CACNA1C: variants seen among roughly 807,000 people sequenced by gnomAD.
CACNA1C encodes calcium voltage-gated channel subunit alpha1 C.
In CACNA1C, 30 loss-of-function variants were observed where a neutral mutation model predicts 229.0. That is an observed-to-expected ratio of 0.13 (90% CI 0.10 to 0.18). The LOEUF (loss-of-function observed/expected upper bound fraction) is 0.18. CACNA1C is among the 10% of genes least tolerant of loss of function. The pLI is 1.00. For synonymous variants in CACNA1C, 1,114 were observed against 1,132.5 expected (o/e 0.98, Z 0.33); for missense variants, 1,658 against 2,845.0 (o/e 0.58, Z 9.49).
chr12:2,403,936 A>G lies in CACNA1C; in HGVS notation c.478-45040A>G, dbSNP rs2098707212. On this transcript the variant is annotated intron_variant, in intron 3 of 46. Coordinates refer to ENST00000399655, the MANE Select transcript of CACNA1C (RefSeq NM_000719.7). The surrounding 1 kb of genome is among the most constrained non-coding windows in gnomAD (Gnocchi z 4.1). ...AAGACTTAATGATTCTCACCCTTGAAAGTGTGTACAGAAATCCTCTAGTCA... is the reference window on the plus strand; with the variant it reads ...AAGACTTAATGATTCTCACCCTTGAGAGTGTGTACAGAAATCCTCTAGTCA... Among the ~76,000 whole-genome samples the G allele has an allele frequency of 6.6e-6, 1 of 152,128 alleles. No homozygotes were observed. Among genetic ancestry groups the G allele is most frequent in the South Asian group, 2.1e-4 (1 of 4,820 alleles).
intron 3 of CACNA1C, among the ~76,000 whole-genome samples, chr12:2,367,472 C>T (rs117806059): frequency 0.029 from 4,424 of 152,202 alleles, 102 homozygotes; most frequent in South Asian, 0.08. Context: ...GAACGTTTAA[C>T]TATGCTAAAA....
intron 5 of CACNA1C, among the ~76,000 whole-genome samples, chr12:2,468,533 C>G (rs1220781152): frequency 6.6e-6 from 1 of 152,184 alleles, no homozygotes; most frequent in African/African-American, 2.4e-5. Context: ...ATAACTCCCT[C>G]CAGGACTTGG....
Position 2,606,978 on chromosome 12 carries a change from T to C in CACNA1C, c.3210-6T>C. ...CCAGAGTAAACTCCTTCTCCTCCTC[T>C]CTCAGGGGCAACTACATCACGTACA... is the stretch of plus-strand genomic sequence containing the variant. On this transcript the variant is annotated splice_polypyrimidine_tract_variant and splice_region_variant and intron_variant, in intron 25 of 46. Coordinates refer to ENST00000399655, the MANE Select transcript of CACNA1C (RefSeq NM_000719.7). The C allele has an allele frequency of 6.2e-7, 1 of 1,613,390 alleles. No individual in the cohort carries two copies. The highest frequency in any genetic ancestry group is 1.3e-5 in the African/African-American group (1 of 75,010).
intron 10 of CACNA1C, among the ~76,000 whole-genome samples, chr12:2,555,946 C>T (rs988333476): frequency 6.6e-6 from 1 of 152,190 alleles, no homozygotes; most frequent in African/African-American, 2.4e-5. Context: ...CATGCCTCTC[C>T]TTGTTGCTCC....
intron 29 of CACNA1C, among the ~76,000 whole-genome samples, chr12:2,620,165 A>G (rs969133540): frequency 6.6e-6 from 1 of 152,174 alleles, no homozygotes; most frequent in Non-Finnish European, 1.5e-5. Context: ...ACATCTGAAG[A>G]AACTGGAGGT....
chr12:2,139,341 C>T (rs2093900856), intron 3 of CACNA1C, among the ~76,000 whole-genome samples: 1 of 151,182 alleles, frequency 6.6e-6, no homozygotes, highest in African/African-American at 2.4e-5. Flanking sequence ...GATTAGGGCT[C>T]CTTCACCTTA....
At chr12:2,399,297 T>C (rs1003487072) in intron 3 of CACNA1C, among the ~76,000 whole-genome samples, 2 of 152,182 alleles carry the variant, frequency 1.3e-5, no homozygotes, top group Admixed American at 1.3e-4. Context: ...ACCAGGTCAG[T>C]GGAGGATCAG....
At chr12:2,432,979 C>T (rs377578008) in intron 3 of CACNA1C, among the ~76,000 whole-genome samples, 8 of 152,178 alleles carry the variant, frequency 5.3e-5, no homozygotes, top group Admixed American at 6.5e-5. Context: ...TAGAGACTAA[C>T]CCTGTGCCAC....
At chr12:2,305,112 A>G (rs2094910425) in intron 3 of CACNA1C, among the ~76,000 whole-genome samples, 2 of 152,100 alleles carry the variant, frequency 1.3e-5, no homozygotes, top group Admixed American at 1.3e-4. Flanking sequence ...CTGAATATCC[A>G]TCTTCCCTGA....
intron 3 of CACNA1C, among the ~76,000 whole-genome samples, chr12:2,194,259 T>G (rs1404083204): frequency 1.6e-5 from 1 of 64,394 alleles, no homozygotes; most frequent in Non-Finnish European, 3.9e-5. Context: ...TGCCTCCTCC[T>G]CCTCCTCCTC....
At chr12:2,532,699 C>G (rs1465263404) in intron 9 of CACNA1C, among the ~76,000 whole-genome samples, 2 of 152,184 alleles carry the variant, frequency 1.3e-5, no homozygotes. Context: ...ATCCCCAAAT[C>G]AGAACCTCTG....
intron 3 of CACNA1C, among the ~76,000 whole-genome samples, chr12:2,445,677 C>T (rs1454071727): frequency 1.3e-5 from 2 of 152,126 alleles, no homozygotes; most frequent in East Asian, 1.9e-4. Flanking sequence ...GCCCTCACCA[C>T]ACCCCGCGAC....
chr12:2,230,400 C>T (rs1031227918), intron 3 of CACNA1C, among the ~76,000 whole-genome samples: 4 of 152,174 alleles, frequency 2.6e-5, no homozygotes, highest in Admixed American at 6.5e-5. Flanking sequence ...GAGGCGGGGC[C>T]GAGCCTGGAA....
At chr12:2,103,720 T>C (rs1279700104) in intron 1 of CACNA1C, among the ~76,000 whole-genome samples, 1 of 152,242 alleles carries the variant, frequency 6.6e-6, no homozygotes, top group Non-Finnish European at 1.5e-5. Flanking sequence ...GTCTTAAGTT[T>C]AAGTCTTTAA....
chr12:2,019,653 C>G (rs949682737), intron 1 of CACNA1C, among the ~76,000 whole-genome samples: 4 of 152,000 alleles, frequency 2.6e-5, no homozygotes, highest in African/African-American at 9.7e-5. Context: ...TAGATGGCTT[C>G]TAATGTAACA....
At chr12:2,195,864 C>T (rs1411738767) in intron 3 of CACNA1C, among the ~76,000 whole-genome samples, 2 of 152,206 alleles carry the variant, frequency 1.3e-5, no homozygotes, top group Non-Finnish European at 2.9e-5. Flanking sequence ...ACTTAGTCCA[C>T]TCCTTCATTT....
chr12:2,508,886 A>T (rs2099777481), intron 8 of CACNA1C, among the ~76,000 whole-genome samples: 1 of 152,230 alleles, frequency 6.6e-6, no homozygotes, highest in African/African-American at 2.4e-5. Context: ...ATGGATAATA[A>T]TCAGATTATG....
chr12:2,687,455 T>C (rs1317643895), intron 45 of CACNA1C, among the ~76,000 whole-genome samples: 3 of 152,112 alleles, frequency 2.0e-5, no homozygotes, highest in Admixed American at 2.0e-4. Flanking sequence ...CCCTGGCAGG[T>C]TGTCATGGCA....
chr12:2,666,357 C>G lies in CACNA1C; in HGVS notation c.4527-329C>G, dbSNP rs2096102367. 6.6e-6 allele frequency among the ~76,000 whole-genome samples: 1 copy of G among 152,172 alleles called. No homozygotes were observed. Among genetic ancestry groups the G allele is most frequent in the Admixed American group, 6.5e-5 (1 of 15,278 alleles). On this transcript the variant is annotated intron_variant, in intron 36 of 46. Transcript: ENST00000399655. The surrounding 1 kb of genome is among the most constrained non-coding windows in gnomAD (Gnocchi z 5.3). The stretch of plus-strand genomic sequence containing the variant: ...AAAGATCAATCACATTCGGCTGACC[C>G]TCAGTAAATACCTTTTGGTCAGAAG...
Sources: allele counts gnomAD v4.1 joint callset (sites outside exome capture counted in the v4.1 genomes callset), GRCh38; gene constraint gnomAD v4.1.1; non-coding constraint Gnocchi (gnomAD v3.1); transcripts MANE v1.5; gene names NCBI Gene and HGNC (gene_info 2026-07-23, HGNC 2026-07-21).